Variants in SBNO1 observed in about 807,000 individuals in gnomAD.
The protein encoded by SBNO1 is protein strawberry notch homolog 1.
A neutral mutation model predicts 173.6 loss-of-function variants in SBNO1; 23 were observed. That is an observed-to-expected ratio of 0.13 (90% CI 0.10 to 0.19). The LOEUF is 0.19. Among genes scored for constraint, SBNO1 ranks in the 10% least tolerant of loss-of-function variants. SBNO1 has a pLI of 1.00. For missense variants in SBNO1, 1,238 were observed against 1,671.2 expected (o/e 0.74, Z 4.52); for synonymous variants, 632 against 571.5 (o/e 1.11, Z -1.51).
Position 123,294,634 on chromosome 12 carries a change from C to CAAAAAAAAAA in SBNO1, c.*1264_*1273dup, listed in dbSNP as rs143013489. ...TTTTCAATAGTGCAACCTGTGGAAG[C>CAAAAAAAAAA]AAAAAAAAAAAAAAAAAAAAAAAAA... is the stretch of plus-strand genomic sequence containing the variant. On this transcript the variant is annotated 3_prime_UTR_variant, in exon 32 of 32. Coordinates refer to ENST00000602398, the MANE Select transcript of SBNO1 (RefSeq NM_001167856.3). 0.018 allele frequency: 1,074 copies of CAAAAAAAAAA among 60,000 alleles called. 12 individuals are homozygous for CAAAAAAAAAA. The highest frequency in any genetic ancestry group is 0.026 in the Middle Eastern group (2 of 78). The allele number at this position is 60,000 out of a possible 1,614,324, so 3.7% of individuals were successfully genotyped here. A position where few individuals can be genotyped will look rare whatever the true frequency, so the allele number is the denominator to read the frequency against.
At chr12:123,338,421 G>A (rs760395832) in intron 5 of SBNO1, among the ~76,000 whole-genome samples, 6 of 151,868 alleles carry the variant, frequency 4.0e-5, no homozygotes, top group Non-Finnish European at 7.4e-5. Flanking sequence ...AGTGGCTCAC[G>A]CCTGAAATCC....
intron 1 of SBNO1, among the ~76,000 whole-genome samples, chr12:123,350,857 G>C (rs1208139918): frequency 1.8e-4 from 2 of 11,028 alleles, no homozygotes; most frequent in Non-Finnish European, 4.5e-4. Context: ...CTGGAGGCCA[G>C]ATGCCTGTAA....
At chr12:123,297,419 A>AAAAAAAAAAAAAAAAAAAAAAAAAC (rs1325800247) in intron 31 of SBNO1, among the ~76,000 whole-genome samples, 1 of 146,212 alleles carries the variant, frequency 6.8e-6, no homozygotes, top group African/African-American at 2.5e-5. Context: ...AAAAAAAAAA[A>AAAAAAAAAAAAAAAAAAAAAAAAAC]AAATTCCATA....
At chr12:123,352,300 T>C (rs894653296) in intron 1 of SBNO1, among the ~76,000 whole-genome samples, 3 of 152,224 alleles carry the variant, frequency 2.0e-5, no homozygotes, top group Non-Finnish European at 4.4e-5. Flanking sequence ...CCTACAAAAA[T>C]GGCATTAGCC....
At chr12:123,334,015 A>G (rs904613647) in intron 7 of SBNO1, 38 bp downstream of exon 7, 13 of 1,395,358 alleles carry the variant, frequency 9.3e-6, no homozygotes, top group South Asian at 1.4e-5. Flanking sequence ...ATAGAATAGG[A>G]TAAAATAATT....
chr12:123,305,378 A>G (rs1360406923), intron 28 of SBNO1, among the ~76,000 whole-genome samples: 2 of 152,242 alleles, frequency 1.3e-5, no homozygotes, highest in Non-Finnish European at 2.9e-5. Context: ...ATGGCAGCAG[A>G]AAGCAAAAAT....
chr12:123,349,869 C>A (rs1467169104), intron 2 of SBNO1, among the ~76,000 whole-genome samples: 3 of 151,738 alleles, frequency 2.0e-5, no homozygotes, highest in African/African-American at 4.8e-5. Context: ...GCTGAGATTG[C>A]GCCACTGCAC....
At chr12:123,310,409 T>C (rs151091275) in intron 25 of SBNO1, among the ~76,000 whole-genome samples, 1,571 of 152,170 alleles carry the variant, frequency 0.01, 28 homozygotes, top group African/African-American at 0.035. Context: ...AATTTTTGTA[T>C]TTTTAGTAGA....
chr12:123,331,850 ACTTT>A (rs1371754185), intron 7 of SBNO1, among the ~76,000 whole-genome samples: 5 of 151,044 alleles, frequency 3.3e-5, no homozygotes, highest in African/African-American at 9.8e-5. Flanking sequence ...TAATGTGGAT[ACTTT>A]CTTTTTTTTC....
chr12:123,336,669 T>C (rs1300103872), intron 5 of SBNO1, among the ~76,000 whole-genome samples, 178 bp from the exon 6 acceptor site: 1 of 152,168 alleles, frequency 6.6e-6, no homozygotes, highest in Non-Finnish European at 1.5e-5. Flanking sequence ...TCTCCAATAA[T>C]GAGCACAGAC....
chr12:123,360,281 T>C (rs1874992696), intron 1 of SBNO1, among the ~76,000 whole-genome samples: 1 of 151,624 alleles, frequency 6.6e-6, no homozygotes, highest in Admixed American at 6.6e-5. Flanking sequence ...ACACCAACTT[T>C]AGAAAGGCAA....
chr12:123,361,595 G>T (rs995187921), intron 1 of SBNO1, among the ~76,000 whole-genome samples: 1 of 151,484 alleles, frequency 6.6e-6, no homozygotes, highest in African/African-American at 2.4e-5. Context: ...TTAGCTGGGC[G>T]TGGTGGCGTG....
intron 16 of SBNO1, among the ~76,000 whole-genome samples, chr12:123,322,046 T>C (rs1186984271): frequency 6.6e-6 from 1 of 152,218 alleles, no homozygotes; most frequent in East Asian, 1.9e-4. Flanking sequence ...TAGTCACAAT[T>C]TGACTGTGTA....
At chr12:123,324,487 A>G (rs1271760310) in intron 15 of SBNO1, among the ~76,000 whole-genome samples, 1 of 151,842 alleles carries the variant, frequency 6.6e-6, no homozygotes, top group African/African-American at 2.4e-5. Flanking sequence ...ACGCCTGGCT[A>G]GTTTTTGTAT....
Position 123,304,599 on chromosome 12 carries a change from T to A in SBNO1, c.3751A>T (p.Lys1251Ter). 1 of 1,557,500 alleles carries A rather than the reference T, an allele frequency of 6.4e-7. No homozygotes were observed. The highest frequency in any genetic ancestry group is 8.8e-7 in the Non-Finnish European group (1 of 1,130,062). ...QLKLEIYADL[K>*]KKYKKVVSDD... ...AAAAATACCTTCTTATATTTCTTTT[T>A]TAGATCAGCATAAATTTCTAATTTG... The change falls in exon 29 of 32, where the codon AAA (lysine) becomes TAA (stop). Residue 1251 changes from lysine to a stop codon, truncating the protein, a stop_gained. Coordinates refer to ENST00000602398, the MANE Select transcript of SBNO1 (RefSeq NM_001167856.3). LOFTEE classifies it high-confidence loss of function.
At chr12:123,322,703 T>C (rs61953455) in intron 16 of SBNO1, among the ~76,000 whole-genome samples, 143,778 of 151,062 alleles carry the variant, frequency 0.95, 68,815 homozygotes, top group Middle Eastern at 1. Context: ...CTCAGGAGTT[T>C]GAGACCAGCC....
chr12:123,357,134 G>A (rs1381505001), intron 1 of SBNO1, among the ~76,000 whole-genome samples: 1 of 152,178 alleles, frequency 6.6e-6, no homozygotes, highest in East Asian at 1.9e-4. Context: ...TAGTTTACAA[G>A]AATTTCCTTT....
At chr12:123,331,150 G>T in intron 8 of SBNO1, 92 bp downstream of exon 8, 1 of 1,289,158 alleles carries the variant, frequency 7.8e-7, no homozygotes, top group Non-Finnish European at 1.1e-6. Context: ...TTTTAGTAGA[G>T]ACGGAGTTTC....
At position 123,358,748 on chromosome 12, in the gene SBNO1, A is replaced by C. The variant is rs112707178; in HGVS notation, c.-1+5953T>G. ...ACACAGCAAGACTCCGTCTCAAAAA[A>C]AAAAAAAAAAAAAAAAAAAGAAGAA... On this transcript the variant is annotated intron_variant, in intron 1 of 31. Coordinates refer to ENST00000602398, the MANE Select transcript of SBNO1 (RefSeq NM_001167856.3). Among the ~76,000 whole-genome samples the C allele has an allele frequency of 2.7e-3, 309 of 113,072 alleles. 1 individual carries two copies. The highest frequency in any genetic ancestry group is 4.4e-3 in the Non-Finnish European group (227 of 52,058). 74.2% of individuals were successfully genotyped at this position (113,072 alleles called of 152,430 possible). A position where few individuals can be genotyped will look rare whatever the true frequency, so the allele number is the denominator to read the frequency against.
Sources: allele counts gnomAD v4.1 joint callset (sites outside exome capture counted in the v4.1 genomes callset), GRCh38; gene constraint gnomAD v4.1.1; transcripts MANE v1.5; gene names NCBI Gene and HGNC (gene_info 2026-07-23, HGNC 2026-07-21).